Variants in ZNF789 observed in about 807,000 individuals in gnomAD.
The protein encoded by ZNF789 is zinc finger protein 789.
ZNF789 carries 11 observed loss-of-function variants against 15.6 expected under a neutral mutation model. That is an observed-to-expected ratio of 0.70 (90% CI 0.44 to 1.16). ZNF789 has a LOEUF of 1.16. Ranked by LOEUF, ZNF789 falls within the 50% of genes most tolerant of loss-of-function variation. ZNF789 has a pLI of 0.00. For missense variants in ZNF789, 461 were observed against 512.6 expected (o/e 0.90, Z 0.97); for synonymous variants, 159 against 176.0 (o/e 0.90, Z 0.76).
intron 3 of ZNF789, chr7:99,480,017 A>G (rs1410504938): frequency 7.9e-6 from 4 of 506,906 alleles, no homozygotes; most frequent in Admixed American, 3.9e-5. Flanking sequence ...GCATATCTGT[A>G]TACCCAACTT....
At chr7:99,476,297 GT>G in intron 1 of ZNF789, 105 bp from the exon 2 acceptor site, 2 of 659,192 alleles carry the variant, frequency 3.0e-6, no homozygotes, top group South Asian at 4.2e-5. Context: ...CAGGGACTTT[GT>G]ATTAAGCTTT....
intron 2 of ZNF789, 89 bp from the exon 3 acceptor site, chr7:99,479,571 TC>T (rs1939618025): frequency 1.2e-5 from 17 of 1,463,746 alleles, no homozygotes; most frequent in Middle Eastern, 2.0e-4. Flanking sequence ...ACACTCTACC[TC>T]CCAAACCTTG....
chr7:99,477,135 C>T lies in ZNF789; in HGVS notation c.24+655C>T, dbSNP rs191090923. On this transcript the variant is annotated intron_variant, in intron 2 of 4. Coordinates refer to ENST00000331410, the MANE Select transcript of ZNF789 (RefSeq NM_213603.3). ...TCAGCTCACTGCATCCTCTGCCTCC[C>T]GGGTTCAAGTGATTATCCTGCCTCA... 2.6e-3 allele frequency among the ~76,000 whole-genome samples: 394 copies of T among 152,102 alleles called. 2 individuals are homozygous for T. The highest frequency in any genetic ancestry group is 6.8e-3 in the Middle Eastern group (2 of 294).
chr7:99,486,345 A>G, intron 4 of ZNF789, 131 bp from the exon 5 acceptor site: 1 of 943,548 alleles, frequency 1.1e-6, no homozygotes, highest in Non-Finnish European at 1.5e-6. Flanking sequence ...TGGCCTCTTG[A>G]GTCTGATGAT....
Position 99,487,018 on chromosome 7 carries a change from G to A in ZNF789, c.808G>A (p.Ala270Thr), listed in dbSNP as rs781543735. The stretch of plus-strand genomic sequence containing the variant: ...CTGTGGAAAGTGTTTTCGGCAGCTC[G>A]CGTATCTTGTTGAACATAAGAGGAT... ...HDCGKCFRQL[A>T]YLVEHKRIHT... The change falls in exon 5 of 5, where the codon GCG becomes ACG. Residue 270 changes from alanine to threonine, a missense_variant. Ala to Thr is a moderately conservative substitution (Grantham distance 58, BLOSUM62 0). Transcript: ENST00000331410. 120 of 1,613,846 alleles carry A rather than the reference G, an allele frequency of 7.4e-5. No homozygotes were observed. The highest frequency in any genetic ancestry group is 9.6e-5 in the Non-Finnish European group (113 of 1,180,042).
chr7:99,484,810 T>C (rs1799838772), intron 4 of ZNF789, among the ~76,000 whole-genome samples: 1 of 151,782 alleles, frequency 6.6e-6, no homozygotes, highest in Admixed American at 6.6e-5. Context: ...ATGCCTGTAG[T>C]CCCAGCTACT....
At chr7:99,473,696 C>T (rs887783852) in intron 1 of ZNF789, among the ~76,000 whole-genome samples, 3 of 152,236 alleles carry the variant, frequency 2.0e-5, no homozygotes, top group African/African-American at 7.2e-5. Context: ...TCTCGACTCA[C>T]TGCAACCTCC....
At chr7:99,481,016 A>G (rs946352931) in intron 3 of ZNF789, 4 of 152,254 alleles carry the variant, frequency 2.6e-5, no homozygotes, top group Non-Finnish European at 5.9e-5. Context: ...GAAAGTGTTC[A>G]TGGGTAACAC....
rs1800002980 is a variant in ZNF789, at chr7:99,487,093, A to C, written c.883A>C (p.Ser295Arg). 1 of 1,614,216 alleles carries C rather than the reference A, an allele frequency of 6.2e-7. No individual in the cohort carries two copies. Among genetic ancestry groups the C allele is most frequent in the Non-Finnish European group, 8.5e-7 (1 of 1,180,038 alleles). The change falls in exon 5 of 5, where the codon AGT (serine) becomes CGT (arginine). Residue 295 changes from serine to arginine, a missense_variant. Physicochemically the swap from Ser to Arg is moderately radical, Grantham distance 110. Transcript: ENST00000331410. Reference sequence around the variant, plus strand: ...ATGTAGCAAATGTGAAAAAACGTTTAGTCAGAATTCAACCCTTATTCGACA... The same window carrying C: ...ATGTAGCAAATGTGAAAAAACGTTTCGTCAGAATTCAACCCTTATTCGACA... ...YKCSKCEKTF[S>R]QNSTLIRHQV...
At chr7:99,479,595 G>A in intron 2 of ZNF789, 66 bp from the exon 3 acceptor site, 1 of 1,517,754 alleles carries the variant, frequency 6.6e-7, no homozygotes, top group South Asian at 1.3e-5. Context: ...TTCCTCAGCT[G>A]TGGAATAATC....
intron 4 of ZNF789, 24 bp from the exon 5 acceptor site, chr7:99,486,452 C>T (rs765096619): frequency 1.9e-6 from 3 of 1,591,548 alleles, no homozygotes; most frequent in Non-Finnish European, 1.7e-6. Flanking sequence ...AGGTCATTTA[C>T]ATCTTTTCTT....
intron 2 of ZNF789, chr7:99,478,770 G>T (rs1799463990): frequency 5.2e-6 from 1 of 193,824 alleles, no homozygotes; most frequent in Admixed American, 5.3e-5. Flanking sequence ...TGCTCCCCAG[G>T]CGTCTGCGCC....
At chr7:99,478,116 C>A (rs1189883858) in intron 2 of ZNF789, among the ~76,000 whole-genome samples, 1 of 152,114 alleles carries the variant, frequency 6.6e-6, no homozygotes, top group Non-Finnish European at 1.5e-5. Flanking sequence ...ATCAGTGTTA[C>A]AGTGAAACAA....
intron 1 of ZNF789, among the ~76,000 whole-genome samples, chr7:99,474,593 CAAAA>C (rs770329262): frequency 9.5e-6 from 1 of 105,646 alleles, no homozygotes. Flanking sequence ...GACTCCACCT[CAAAA>C]AAAAAAAAAA....
chr7:99,473,621 G>A (rs1329319504), intron 1 of ZNF789, among the ~76,000 whole-genome samples: 1 of 152,084 alleles, frequency 6.6e-6, no homozygotes, highest in Non-Finnish European at 1.5e-5. Context: ...ATAAGGAATT[G>A]TTGTTGCTGT....
chr7:99,477,362 C>T (rs1429822731), intron 2 of ZNF789, among the ~76,000 whole-genome samples: 2 of 151,464 alleles, frequency 1.3e-5, no homozygotes, highest in African/African-American at 2.4e-5. Context: ...TTTTTTTAGA[C>T]GGAGTCTCAC....
Position 99,478,309 on chromosome 7 carries a change from A to G in ZNF789, c.25-1352A>G, listed in dbSNP as rs760572374. On this transcript the variant is annotated intron_variant, in intron 2 of 4. Transcript: ENST00000331410. ...GCAGATGGCTGAGTAGGTCAGATTG[A>G]GGACATGGCAGCGCAGCTCTGGTAA... The G allele has an allele frequency of 1.2e-4, 150 of 1,289,554 alleles. No homozygotes were observed. In the Admixed American group the frequency reaches 3.4e-3, roughly 29 times the overall value. The allele number at this position is 1,289,554 out of a possible 1,614,324, so 79.9% of individuals were successfully genotyped here. A position where few individuals can be genotyped will look rare whatever the true frequency, so the allele number is the denominator to read the frequency against.
At chr7:99,481,135 A>G (rs1342285734) in intron 3 of ZNF789, 1 of 152,212 alleles carries the variant, frequency 6.6e-6, no homozygotes, top group East Asian at 1.9e-4. Context: ...ATGTAACATT[A>G]TTGTATCAGC....
rs1358430793 is a variant in ZNF789, at chr7:99,487,586, CA to C, written c.*101del. 17 of 1,426,490 alleles carry C rather than the reference CA, an allele frequency of 1.2e-5. No individual in the cohort carries two copies. In the East Asian group the frequency reaches 4.0e-4, roughly 33 times the overall value. The allele number at this position is 1,426,490 out of a possible 1,614,324, so 88.4% of individuals were successfully genotyped here. On this transcript the variant is annotated 3_prime_UTR_variant, in exon 5 of 5. Transcript: ENST00000331410. The stretch of plus-strand genomic sequence containing the variant: ...TTTCCATGAAAAGCAATAAATGTAA[CA>C]AAGGGTTTTTCTATGGGAGCCATCT...
Sources: allele counts gnomAD v4.1 joint callset (sites outside exome capture counted in the v4.1 genomes callset), GRCh38; gene constraint gnomAD v4.1.1; transcripts MANE v1.5; gene names NCBI Gene and HGNC (gene_info 2026-07-23, HGNC 2026-07-21).